The following DLG2 variants were observed in gnomAD, a reference collection of about 807,000 sequenced individuals.
DLG2 encodes discs large MAGUK scaffold protein 2.
A neutral mutation model predicts 132.5 loss-of-function variants in DLG2; 45 were observed. The observed-to-expected ratio is 0.34, with a 90% CI of 0.27 to 0.44. DLG2 has a LOEUF of 0.44. DLG2 is among the 20% of genes least tolerant of loss of function. DLG2 has a pLI of 1.00. For synonymous variants in DLG2, 424 were observed against 419.6 expected, an observed-to-expected ratio of 1.01 and a Z score of -0.13; for missense variants, 1,045 against 1,196.9, an observed-to-expected ratio of 0.87 and a Z score of 1.87.
chr11:84,630,185 T>A (rs2099629122), intron 6 of DLG2, among the ~76,000 whole-genome samples: 2 of 152,176 alleles, frequency 1.3e-5, no homozygotes, highest in African/African-American at 4.8e-5. Context: ...GACCATCATC[T>A]ATTTAGCCTC....
At chr11:84,026,925 T>C (rs2095549958) in intron 11 of DLG2, among the ~76,000 whole-genome samples, 1 of 152,164 alleles carries the variant, frequency 6.6e-6, no homozygotes, top group African/African-American at 2.4e-5. Flanking sequence ...AAAAAGCGTT[T>C]TATATCTGTA....
At chr11:85,520,086 G>T (rs1386961494) in intron 3 of DLG2, among the ~76,000 whole-genome samples, 1 of 149,890 alleles carries the variant, frequency 6.7e-6, no homozygotes, top group Non-Finnish European at 1.5e-5. Flanking sequence ...TCTTTATACT[G>T]CCCAGCCTGG....
chr11:84,929,862 A>G (rs540807763), intron 6 of DLG2, among the ~76,000 whole-genome samples: 1 of 152,118 alleles, frequency 6.6e-6, no homozygotes, highest in Non-Finnish European at 1.5e-5. Flanking sequence ...GCACAGCCTG[A>G]GAGTAAATGT....
intron 6 of DLG2, among the ~76,000 whole-genome samples, chr11:84,657,744 A>T (rs904298571): frequency 8.5e-5 from 13 of 152,146 alleles, no homozygotes; most frequent in African/African-American, 3.1e-4. Context: ...TGTGTGTCTT[A>T]ATTCTTAACA....
intron 3 of DLG2, among the ~76,000 whole-genome samples, chr11:85,430,370 A>G (rs570033125): frequency 1.4e-5 from 2 of 147,902 alleles, no homozygotes; most frequent in Non-Finnish European, 2.9e-5. Context: ...AAGAAAAAGA[A>G]AGAAAAAAAT....
At chr11:84,954,350 TAAA>T (rs11366441) in intron 6 of DLG2, among the ~76,000 whole-genome samples, 16 of 113,866 alleles carry the variant, frequency 1.4e-4, no homozygotes, top group Non-Finnish European at 2.1e-4. Flanking sequence ...TCTTAAAGGA[TAAA>T]AAAAAAAAAA....
chr11:84,899,749 C>A (rs1338094236), intron 6 of DLG2, among the ~76,000 whole-genome samples: 1 of 152,082 alleles, frequency 6.6e-6, no homozygotes, highest in Non-Finnish European at 1.5e-5. Flanking sequence ...AAAGAATTGT[C>A]TGTGTGTGCT....
rs533786153 is a variant in DLG2, at chr11:84,043,866, C to T, written c.919+15449G>A. Among the ~76,000 whole-genome samples the T allele has an allele frequency of 2.0e-5, 3 of 151,624 alleles. No homozygotes were observed. The East Asian group carries it at 5.8e-4, about 30-fold the overall frequency. ...TTCCCTGGGCTTCAATCTTTCTTTT[C>T]ACCCCATTTTCTACCTTTATTTTTT... On this transcript the variant is annotated intron_variant, in intron 11 of 27. Transcript: ENST00000376104.
At chr11:85,564,080 G>A (rs2077400367) in intron 3 of DLG2, among the ~76,000 whole-genome samples, 1 of 151,926 alleles carries the variant, frequency 6.6e-6, no homozygotes, top group African/African-American at 2.4e-5. Flanking sequence ...CTTGCCATTA[G>A]AATATCTTGT....
intron 4 of DLG2, among the ~76,000 whole-genome samples, chr11:85,230,550 T>C (rs187106977): frequency 3.3e-5 from 5 of 152,022 alleles, no homozygotes; most frequent in African/African-American, 1.2e-4. Context: ...ATGTAGTTTT[T>C]TTCATACTTG....
intron 7 of DLG2, among the ~76,000 whole-genome samples, chr11:84,254,717 G>T (rs956077307): frequency 6.6e-6 from 1 of 152,054 alleles, no homozygotes; most frequent in Admixed American, 6.5e-5. Flanking sequence ...CTAGGATGTA[G>T]AGTCTGTGAA....
At chr11:85,550,375 C>T (rs777873516) in intron 3 of DLG2, among the ~76,000 whole-genome samples, 8 of 152,218 alleles carry the variant, frequency 5.3e-5, no homozygotes, top group Non-Finnish European at 7.3e-5. Flanking sequence ...GACGCTGCCA[C>T]GGGGCCTGCA....
intron 6 of DLG2, among the ~76,000 whole-genome samples, chr11:84,806,985 A>G (rs1943705): frequency 0.31 from 47,608 of 152,000 alleles, 7,859 homozygotes; most frequent in Middle Eastern, 0.33. Flanking sequence ...ATAATGTGAT[A>G]TTAATACTTA....
At chr11:83,765,921 T>A (rs1404738654) in intron 18 of DLG2, among the ~76,000 whole-genome samples, 1 of 152,182 alleles carries the variant, frequency 6.6e-6, no homozygotes, top group Non-Finnish European at 1.5e-5. Context: ...AAATAAAAAG[T>A]AGATTCACAT....
intron 5 of DLG2, among the ~76,000 whole-genome samples, chr11:85,151,605 T>G (rs2077258511): frequency 1.3e-5 from 2 of 152,244 alleles, no homozygotes. Context: ...CTTTTGCATG[T>G]AGATATCCAG....
intron 3 of DLG2, among the ~76,000 whole-genome samples, chr11:85,481,277 TTGAG>T (rs1441570368): frequency 1.3e-5 from 2 of 152,216 alleles, no homozygotes; most frequent in Non-Finnish European, 2.9e-5. Context: ...AAAAGTGTTA[TTGAG>T]TATCAGCAAG....
rs1593766177 is a variant in DLG2 at position 84,040,199 on chromosome 11, T to C, written c.919+19116A>G. Among the ~76,000 whole-genome samples the C allele has an allele frequency of 2.6e-5, 4 of 151,084 alleles. No individual in the cohort carries two copies. The South Asian group carries it at 8.3e-4, about 31-fold the overall frequency. ...TGTTCACTCTGATGGTAGTTTCTTTTGCTGTGCAGAAGCTCTTTAGTTTAA... is the reference window on the plus strand; with the variant it reads ...TGTTCACTCTGATGGTAGTTTCTTTCGCTGTGCAGAAGCTCTTTAGTTTAA... On this transcript the variant is annotated intron_variant, in intron 11 of 27. Transcript: ENST00000376104.
intron 5 of DLG2, among the ~76,000 whole-genome samples, chr11:85,136,060 A>G (rs10501589): frequency 0.055 from 8,439 of 152,218 alleles, 343 homozygotes; most frequent in African/African-American, 0.11. Context: ...AAAGGAATGA[A>G]TCAGCAATAT....
chr11:85,488,317 A>G lies in DLG2; in HGVS notation c.40+110340T>C, dbSNP rs1597839692. On this transcript the variant is annotated intron_variant, in intron 3 of 27. Transcript: ENST00000376104. Reference sequence around the variant, plus strand: ...GGAAGGAGAATCGCTTGAACCCAAGAGGCAGAGGTTGCAGTGAGCCGAGAT... The same window carrying G: ...GGAAGGAGAATCGCTTGAACCCAAGGGGCAGAGGTTGCAGTGAGCCGAGAT... Among the ~76,000 whole-genome samples, 7 of 151,836 alleles carry G rather than the reference A, an allele frequency of 4.6e-5. No individual in the cohort carries two copies. The South Asian group carries it at 1.5e-3, about 32-fold the overall frequency.
Sources: gnomAD v4.1 joint callset for allele counts (sites outside exome capture counted in the v4.1 genomes callset) on GRCh38, gnomAD v4.1.1 for gene constraint, MANE v1.5 for transcripts, NCBI Gene and HGNC (gene_info 2026-07-23, HGNC 2026-07-21) for gene names.